ACACB: variants seen among roughly 807,000 people sequenced by gnomAD.
ACACB encodes the protein acetyl-CoA carboxylase 2.
A neutral mutation model predicts 278.8 loss-of-function variants in ACACB; 209 were observed. That is an observed-to-expected ratio of 0.75 (90% CI 0.67 to 0.84). ACACB has a LOEUF of 0.84. Among genes scored for constraint, ACACB ranks in the 40% least tolerant of loss-of-function variants. The probability of loss-of-function intolerance (pLI) is 0.00; values close to 1 mark genes in which losing one functional copy is unlikely to be tolerated. For synonymous variants in ACACB, 1,174 were observed against 1,285.6 expected (o/e 0.91, Z 1.86); for missense variants, 2,850 against 3,269.0 (o/e 0.87, Z 3.13).
intron 9 of ACACB, 126 bp from the exon 10 acceptor site, chr12:109,178,962 G>A: frequency 1.2e-6 from 1 of 838,570 alleles, no homozygotes; most frequent in Non-Finnish European, 1.9e-6. Flanking sequence ...TAAAAGATCA[G>A]CAGAGTCCTG....
intron 20 of ACACB, among the ~76,000 whole-genome samples, chr12:109,208,415 C>T (rs1049455442): frequency 6.6e-6 from 1 of 152,048 alleles, no homozygotes; most frequent in Admixed American, 6.6e-5. Flanking sequence ...GCCATGTTGC[C>T]CAGGCTGGTC....
At chr12:109,185,873 A>C in intron 12 of ACACB, 133 bp downstream of exon 12, 1 of 755,734 alleles carries the variant, frequency 1.3e-6, no homozygotes, top group Non-Finnish European at 2.0e-6. Context: ...AAACTGAGGC[A>C]TGGGAAGGGA....
At chr12:109,197,181 G>A (rs758477409) in intron 17 of ACACB, 28 bp downstream of exon 17, 1 of 1,591,818 alleles carries the variant, frequency 6.3e-7, no homozygotes, top group Non-Finnish European at 8.5e-7. Context: ...TCCCACTGTG[G>A]GCTGGGCATG....
At chr12:109,234,955 A>G (rs917496353) in intron 31 of ACACB, among the ~76,000 whole-genome samples, 5 of 151,990 alleles carry the variant, frequency 3.3e-5, no homozygotes, top group African/African-American at 1.2e-4. Flanking sequence ...GTACAATTTA[A>G]TATATTTTTA....
chr12:109,245,670 C>T lies in ACACB; in HGVS notation c.5223C>T (p.Asp1741=), dbSNP rs1157786184. The T allele has an allele frequency of 5.0e-6, 8 of 1,614,184 alleles. No homozygotes were observed. The highest frequency in any genetic ancestry group is 5.9e-6 in the Non-Finnish European group (7 of 1,180,004). The change falls in exon 38 of 53, where the codon GAC becomes GAT. Residue 1741 remains aspartate, a synonymous_variant. Coordinates refer to ENST00000338432, the MANE Select transcript of ACACB (RefSeq NM_001093.4). ...GCTCCCCAGACAAGTATCCCAAAGA[C>T]ATCCTGACATACACTGAATTAGTGT... The part of the protein sequence containing the change: ...LWGSPDKYPK[D]ILTYTELVLD...
In ACACB at chr12:109,168,819, C is replaced by G. The variant is rs1593453658; in HGVS notation, c.925+785C>G. 2.6e-5 allele frequency among the ~76,000 whole-genome samples: 4 copies of G among 152,030 alleles called. No homozygotes were observed. In the East Asian group the frequency reaches 7.7e-4, roughly 29 times the overall value. On this transcript the variant is annotated intron_variant, in intron 4 of 52. Transcript: ENST00000338432. ...CCTGGGAAACAGACTGAGACTCTGT[C>G]TCAAATAAAACAACATAAACCTAAA...
rs747264955 is a variant in ACACB at position 109,176,261 on chromosome 12, C to G, written c.1435C>G (p.Gln479Glu). The G allele has an allele frequency of 1.4e-5, 23 of 1,613,248 alleles. No homozygotes were observed. The highest frequency in any genetic ancestry group is 2.0e-5 in the Non-Finnish European group (23 of 1,179,272). Residue 479 changes from glutamine (Q) to glutamate (E), a missense_variant and splice_region_variant, in exon 9 of 53, where the codon CAA becomes GAA. Coordinates refer to ENST00000338432, the MANE Select transcript of ACACB (RefSeq NM_001093.4). ...GGAGGACTTCCCGATCCTTTTCAGA[C>G]AAGTGAGCAGTTCTTGCTGTGTCTT... The part of the protein sequence containing the change: ...SAEDFPILFR[Q>E]VQSEIPGSPI...
At chr12:109,115,027 T>C (rs540876869), upstream of ACACB, among the ~76,000 whole-genome samples, 1 of 152,362 alleles carries the variant, frequency 6.6e-6, no homozygotes, top group East Asian at 1.9e-4. Context: ...TACCTGTGTC[T>C]TAAAGAGATA....
chr12:109,178,875 C>G (rs1159236988), intron 9 of ACACB, among the ~76,000 whole-genome samples: 1 of 152,216 alleles, frequency 6.6e-6, no homozygotes, highest in Non-Finnish European at 1.5e-5. Context: ...GGGGCCGTCC[C>G]CCACCTGGGG....
upstream of ACACB, among the ~76,000 whole-genome samples, chr12:109,114,872 A>G (rs2042373451): frequency 2.0e-5 from 3 of 152,120 alleles, no homozygotes; most frequent in African/African-American, 7.2e-5. Context: ...AAAACAAAAC[A>G]AAACAAAAAA....
At chr12:109,186,494 A>G (rs2044667441) in intron 12 of ACACB, among the ~76,000 whole-genome samples, 1 of 152,176 alleles carries the variant, frequency 6.6e-6, no homozygotes, top group Admixed American at 6.5e-5. Flanking sequence ...TTTTTGCTAC[A>G]GTATGAAGTC....
intron 28 of ACACB, among the ~76,000 whole-genome samples, chr12:109,227,830 C>T (rs750596396): frequency 2.8e-4 from 43 of 152,040 alleles, no homozygotes; most frequent in Non-Finnish European, 2.9e-5. Context: ...GTCAGGAGTT[C>T]CAGACCAGCC....
chr12:109,246,412 C>G lies in ACACB; in HGVS notation c.5535C>G (p.Phe1845Leu). The change falls in exon 39 of 53, where the codon TTC becomes TTG. Residue 1845 changes from phenylalanine (F) to leucine (L), a missense_variant. By Grantham distance (22) the Phe-to-Leu change is conservative (BLOSUM62 0). Around this residue, in one of 3 missense-constraint regions of ACACB, gnomAD observed 2,265 missense variants for 2,561.3 expected, o/e 0.88. Coordinates refer to ENST00000338432, the MANE Select transcript of ACACB (RefSeq NM_001093.4). ...TGGCAGAGGAGATCAAACACATGTT[C>G]CACGTGGCTTGGGTGGACCCAGAAG... Reference protein sequence around the residue: ...IGMAEEIKHMFHVAWVDPEDP... With the variant: ...IGMAEEIKHMLHVAWVDPEDP... The G allele has an allele frequency of 6.2e-7, 1 of 1,613,496 alleles. No homozygotes were observed. Among genetic ancestry groups the G allele is most frequent in the Non-Finnish European group, 8.5e-7 (1 of 1,179,812 alleles).
intron 9 of ACACB, among the ~76,000 whole-genome samples, chr12:109,177,616 C>T (rs2044321360): frequency 6.6e-6 from 1 of 152,156 alleles, no homozygotes; most frequent in South Asian, 2.1e-4. Context: ...GTTGCAGCAG[C>T]AGTACAGAAA....
intron 2 of ACACB, among the ~76,000 whole-genome samples, chr12:109,162,684 C>T (rs924343359): frequency 2.6e-5 from 4 of 152,158 alleles, no homozygotes; most frequent in African/African-American, 4.8e-5. Flanking sequence ...CCGTTCCCCC[C>T]GGGGCTCCAG....
Position 109,192,877 on chromosome 12 carries a change from G to A in ACACB, c.2400-771G>A, listed in dbSNP as rs79104737. On this transcript the variant is annotated intron_variant, in intron 15 of 52. Transcript: ENST00000338432. ...GGGGTCTCACTATGTTGCCCCCCAGGCTGGTCTCAAACTCATGGCCTCAAG... is the reference window on the plus strand; with the variant it reads ...GGGGTCTCACTATGTTGCCCCCCAGACTGGTCTCAAACTCATGGCCTCAAG... Among the ~76,000 whole-genome samples the A allele has an allele frequency of 6.7e-3, 1,019 of 152,238 alleles. 14 individuals are homozygous for A. The highest frequency in any genetic ancestry group is 0.023 in the African/African-American group (944 of 41,546).
intron 1 of ACACB, among the ~76,000 whole-genome samples, chr12:109,117,653 A>C (rs562067932): frequency 2.0e-5 from 3 of 152,058 alleles, no homozygotes; most frequent in African/African-American, 7.2e-5. Flanking sequence ...CCTCATGTCT[A>C]TTGTGATTAC....
In ACACB at chr12:109,179,030, A is replaced by C. The variant is rs568967691; in HGVS notation, c.1438-58A>C. The C allele has an allele frequency of 3.0e-5, 46 of 1,533,648 alleles. 1 individual carries two copies. The South Asian group carries it at 5.0e-4, about 17-fold the overall frequency. On this transcript the variant is annotated intron_variant, in intron 9 of 52. Coordinates refer to ENST00000338432, the MANE Select transcript of ACACB (RefSeq NM_001093.4). ...TTTATGTTCTCTCCTGAGAACTTCC[A>C]GAAGCTTCCAGAGCTGGTTTCCCCA...
At chr12:109,254,871 T>A (rs2047185579) in intron 44 of ACACB, among the ~76,000 whole-genome samples, 1 of 151,684 alleles carries the variant, frequency 6.6e-6, no homozygotes, top group Admixed American at 6.6e-5. Context: ...ACCTCCTGGG[T>A]TCAAGTGATT....
Sources: allele counts gnomAD v4.1 joint callset (sites outside exome capture counted in the v4.1 genomes callset), GRCh38; gene constraint gnomAD v4.1.1; regional missense constraint gnomAD v4.1.1; transcripts MANE v1.5; gene names NCBI Gene and HGNC (gene_info 2026-07-23, HGNC 2026-07-21).